CDYL: variants seen among roughly 807,000 people sequenced by gnomAD.
CDYL encodes chromodomain Y-like protein.
CDYL carries 8 observed loss-of-function variants against 47.3 expected under a neutral mutation model. That is an observed-to-expected ratio of 0.17 (90% CI 0.10 to 0.31). CDYL has a LOEUF of 0.31. Among genes scored for constraint, CDYL ranks in the 10% least tolerant of loss-of-function variants. The pLI is 1.00. For synonymous variants in CDYL, 266 were observed against 265.0 expected, an observed-to-expected ratio of 1.00 and a Z score of -0.04; for missense variants, 471 against 701.4, an observed-to-expected ratio of 0.67 and a Z score of 3.71.
intron 1 of CDYL, among the ~76,000 whole-genome samples, chr6:4,855,407 C>T (rs1414628788): frequency 6.6e-6 from 1 of 152,194 alleles, no homozygotes; most frequent in Non-Finnish European, 1.5e-5. Context: ...CCTCCCACCT[C>T]ATCCTCTGGA....
intron 1 of CDYL, among the ~76,000 whole-genome samples, chr6:4,812,788 T>A (rs1379119710): frequency 6.6e-6 from 1 of 152,156 alleles, no homozygotes; most frequent in Non-Finnish European, 1.5e-5. Flanking sequence ...ACTAGGTATG[T>A]GAAGTGTTGA....
At position 4,919,884 on chromosome 6, in the gene CDYL, G is replaced by A. The variant is rs147967951; in HGVS notation, c.692-15631G>A. Among the ~76,000 whole-genome samples, 7 of 152,106 alleles carry A rather than the reference G, an allele frequency of 4.6e-5. No individual in the cohort carries two copies. The East Asian group carries it at 9.7e-4, about 21-fold the overall frequency. ...GTATATACCCAAAGAATTGAAAGCC[G>A]GGTGGTGAAGAAATCTTTGTACCCC... On this transcript the variant is annotated intron_variant, in intron 2 of 6. Transcript: ENST00000397588.
intron 1 of CDYL, among the ~76,000 whole-genome samples, chr6:4,777,305 A>G (rs1425803855): frequency 6.6e-6 from 1 of 152,186 alleles, no homozygotes; most frequent in African/African-American, 2.4e-5. Context: ...CTCGCACCGA[A>G]AATGCTAAAC....
chr6:4,946,946 T>C (rs547300558), intron 5 of CDYL, among the ~76,000 whole-genome samples: 2 of 152,286 alleles, frequency 1.3e-5, no homozygotes, highest in African/African-American at 4.8e-5. Context: ...CCAGTAGCCA[T>C]CCCAGCAGCC....
chr6:4,881,714 CA>C (rs1761766752), intron 1 of CDYL, among the ~76,000 whole-genome samples: 1 of 152,010 alleles, frequency 6.6e-6, no homozygotes, highest in African/African-American at 2.4e-5. Flanking sequence ...TTAAGAGAAA[CA>C]AAAAATGAGT....
At chr6:4,848,830 A>G (rs1760740407) in intron 1 of CDYL, among the ~76,000 whole-genome samples, 2 of 152,026 alleles carry the variant, frequency 1.3e-5, no homozygotes, top group South Asian at 4.1e-4. Context: ...CTGGTGGGAC[A>G]CCTGCTGGCC....
intron 3 of CDYL, among the ~76,000 whole-genome samples, chr6:4,742,749 C>T (rs1757819538): frequency 6.6e-6 from 1 of 152,222 alleles, no homozygotes; most frequent in Non-Finnish European, 1.5e-5. Context: ...GCCCCCATGG[C>T]CTCTGGCTTT....
At position 4,776,716 on chromosome 6, in the gene CDYL, G is replaced by C. The variant is rs1309571500; in HGVS notation, c.-68G>C. The C allele has an allele frequency of 7.1e-6, 9 of 1,267,600 alleles. No homozygotes were observed. In the East Asian group the frequency reaches 4.6e-4, roughly 65 times the overall value. The allele number at this position is 1,267,600 out of a possible 1,614,324, so 78.5% of individuals were successfully genotyped here. On this transcript the variant is annotated 5_prime_UTR_variant, in exon 1 of 7. Coordinates refer to ENST00000397588, the MANE Select transcript of CDYL (RefSeq NM_004824.4). ...CCACGCAGGACCCAACTGAAACAAA[G>C]TGTCGGCCGCCCGGCGCCGGCGCCC...
intron 3 of CDYL, among the ~76,000 whole-genome samples, chr6:4,767,000 T>TA (rs1048668653): frequency 4.9e-4 from 73 of 148,512 alleles, no homozygotes; most frequent in African/African-American, 1.5e-3. Flanking sequence ...AGACCCTGTC[T>TA]AAAAAAAAAA....
intron 1 of CDYL, among the ~76,000 whole-genome samples, chr6:4,706,684 G>A (rs72819498): frequency 0.052 from 7,924 of 152,180 alleles, 306 homozygotes; most frequent in Non-Finnish European, 0.079. Flanking sequence ...AGTTACTCTG[G>A]AGGCTGAGGA....
At chr6:4,830,874 A>G (rs1251184774) in intron 1 of CDYL, among the ~76,000 whole-genome samples, 2 of 151,400 alleles carry the variant, frequency 1.3e-5, no homozygotes, top group African/African-American at 4.9e-5. Context: ...TGTTCTTGCG[A>G]TAGTTTACTG....
At chr6:4,760,817 A>G (rs972332178) in intron 3 of CDYL, among the ~76,000 whole-genome samples, 3 of 152,194 alleles carry the variant, frequency 2.0e-5, no homozygotes, top group Admixed American at 2.0e-4. Flanking sequence ...CAGAAAACCA[A>G]CAAACAAAAC....
intron 5 of CDYL, among the ~76,000 whole-genome samples, chr6:4,951,294 G>A (rs193141672): frequency 5.4e-4 from 82 of 152,124 alleles, no homozygotes; most frequent in Admixed American, 2.4e-3. Flanking sequence ...CAAGATAAAC[G>A]ACAGACCAAA....
chr6:4,782,087 C>T (rs1758633227), intron 1 of CDYL, among the ~76,000 whole-genome samples: 1 of 151,606 alleles, frequency 6.6e-6, no homozygotes, highest in Non-Finnish European at 1.5e-5. Context: ...GGGGATCTGC[C>T]TGGCGGAAGA....
At chr6:4,949,917 A>G (rs1758645070) in intron 5 of CDYL, among the ~76,000 whole-genome samples, 1 of 152,216 alleles carries the variant, frequency 6.6e-6, no homozygotes, top group South Asian at 2.1e-4. Context: ...TCTTGAGTAA[A>G]TTGAGAAATG....
At position 4,920,650 on chromosome 6, in the gene CDYL, G is replaced by A. The variant is rs181614808; in HGVS notation, c.692-14865G>A. ...TATTGATTGATTGAGATGGAGTCTCGCTCTGTCGCCCAGGCTGGAGTGTAC... is the reference window on the plus strand; with the variant it reads ...TATTGATTGATTGAGATGGAGTCTCACTCTGTCGCCCAGGCTGGAGTGTAC... On this transcript the variant is annotated intron_variant, in intron 2 of 6. Transcript: ENST00000397588. Among the ~76,000 whole-genome samples, 402 of 152,260 alleles carry A rather than the reference G, an allele frequency of 2.6e-3. 2 individuals carry two copies. The highest frequency in any genetic ancestry group is 9.3e-3 in the African/African-American group (387 of 41,558).
At chr6:4,723,979 C>T (rs895323993) in intron 2 of CDYL, among the ~76,000 whole-genome samples, 6 of 152,176 alleles carry the variant, frequency 3.9e-5, no homozygotes, top group African/African-American at 1.4e-4. Flanking sequence ...ATTTATGTAT[C>T]CGTGAAATTA....
chr6:4,790,697 T>G lies in CDYL; in HGVS notation c.24+13890T>G, dbSNP rs1218311550. On this transcript the variant is annotated intron_variant, in intron 1 of 6. Transcript: ENST00000397588. The stretch of plus-strand genomic sequence containing the variant: ...AGTAGGTTTCCTGTGTACAGCACCT[T>G]GGAAATCTTTTGTATGGACCCAAAA... Among the ~76,000 whole-genome samples the G allele has an allele frequency of 2.0e-5, 3 of 152,364 alleles. No individual in the cohort carries two copies. The East Asian group carries it at 5.8e-4, about 29-fold the overall frequency.
chr6:4,810,499 C>T (rs1414751319), intron 1 of CDYL, among the ~76,000 whole-genome samples: 1 of 152,080 alleles, frequency 6.6e-6, no homozygotes, highest in Non-Finnish European at 1.5e-5. Flanking sequence ...GACTTTGCCT[C>T]CAATTTTAAT....
Sources: gnomAD v4.1 joint callset for allele counts (sites outside exome capture counted in the v4.1 genomes callset) on GRCh38, gnomAD v4.1.1 for gene constraint, MANE v1.5 for transcripts, NCBI Gene and HGNC (gene_info 2026-07-23, HGNC 2026-07-21) for gene names.